The following FMNL2 variants were observed in gnomAD, a reference collection of about 807,000 sequenced individuals.
The protein encoded by FMNL2 is formin-like protein 2.
A neutral mutation model predicts 130.2 loss-of-function variants in FMNL2; 51 were observed. The observed-to-expected ratio is 0.39, with a 90% CI of 0.31 to 0.49. The LOEUF is 0.49. FMNL2 is among the 20% of genes least tolerant of loss of function. The probability of loss-of-function intolerance (pLI) is 0.85; values close to 1 mark genes in which losing one functional copy is unlikely to be tolerated. For missense variants in FMNL2, 977 were observed against 1,316.2 expected (o/e 0.74, Z 3.99); for synonymous variants, 465 against 467.1 (o/e 1.00, Z 0.06).
At chr2:152,473,431 G>A (rs1012065725) in intron 1 of FMNL2, among the ~76,000 whole-genome samples, 6 of 152,134 alleles carry the variant, frequency 3.9e-5, no homozygotes, top group Admixed American at 6.5e-5. Flanking sequence ...AAAGAGGTTG[G>A]AGTAGATTTT....
At chr2:152,432,911 G>C (rs1283015063) in intron 1 of FMNL2, among the ~76,000 whole-genome samples, 1 of 152,212 alleles carries the variant, frequency 6.6e-6, no homozygotes, top group African/African-American at 2.4e-5. Context: ...TTTCCTGAGA[G>C]CTGGCTTCAA....
At chr2:152,340,730 C>G (rs1158552594) in intron 1 of FMNL2, among the ~76,000 whole-genome samples, 1 of 152,108 alleles carries the variant, frequency 6.6e-6, no homozygotes, top group African/African-American at 2.4e-5. Flanking sequence ...CTTGCTCTGT[C>G]GCCCAGGCTG....
intron 24 of FMNL2, among the ~76,000 whole-genome samples, chr2:152,640,306 C>A (rs547385888): frequency 6.6e-6 from 1 of 152,328 alleles, no homozygotes; most frequent in Admixed American, 6.5e-5. Flanking sequence ...GTTGGATATA[C>A]AGAGAGGCCA....
In FMNL2 at chr2:152,392,914, A is replaced by C. The variant is rs988291647; in HGVS notation, c.117+57194A>C. On this transcript the variant is annotated intron_variant, in intron 1 of 25. Coordinates refer to ENST00000288670, the MANE Select transcript of FMNL2 (RefSeq NM_052905.4). ...GGAGGGGAGAGAGCTGCCAGTCGCC[A>C]TATCTCTTCTCTCTGCCTGCTTCTC... Among the ~76,000 whole-genome samples, 4 of 152,018 alleles carry C rather than the reference A, an allele frequency of 2.6e-5. No homozygotes were observed. In the East Asian group the frequency reaches 7.7e-4, roughly 29 times the overall value.
intron 1 of FMNL2, among the ~76,000 whole-genome samples, chr2:152,491,471 C>T (rs1691187207): frequency 6.6e-6 from 1 of 152,182 alleles, no homozygotes; most frequent in South Asian, 2.1e-4. Flanking sequence ...GAATTGTTGG[C>T]TGGGTCTCTG....
chr2:152,574,658 TCTTTC>T (rs1001874205), intron 6 of FMNL2, among the ~76,000 whole-genome samples: 1 of 152,210 alleles, frequency 6.6e-6, no homozygotes, highest in Admixed American at 6.5e-5. Context: ...TTCAAATTAC[TCTTTC>T]TTTTTAAAAC....
In FMNL2 at chr2:152,617,236, A is replaced by G. The variant is rs1553487671; in HGVS notation, c.1314+44A>G. 6.4e-6 allele frequency: 10 copies of G among 1,560,426 alleles called. No individual in the cohort carries two copies. The Admixed American group carries it at 1.4e-4, about 21-fold the overall frequency. On this transcript the variant is annotated intron_variant, in intron 13 of 25. Coordinates refer to ENST00000288670, the MANE Select transcript of FMNL2 (RefSeq NM_052905.4). ...ACTGCCCAGATGGGCACGGTAGGGA[A>G]TGTACTCCAGCTTTCGTCCAGTGGA...
At chr2:152,417,864 G>A (rs1022002489) in intron 1 of FMNL2, among the ~76,000 whole-genome samples, 1 of 151,998 alleles carries the variant, frequency 6.6e-6, no homozygotes, top group African/African-American at 2.4e-5. Flanking sequence ...ACAGAGTCTT[G>A]CTCTGTTTGC....
chr2:152,471,189 C>T (rs145830667), intron 1 of FMNL2, among the ~76,000 whole-genome samples: 2 of 151,192 alleles, frequency 1.3e-5, no homozygotes, highest in African/African-American at 2.4e-5. Flanking sequence ...CGTACGCTGT[C>T]GTTTGCTTAG....
In FMNL2 at chr2:152,648,831, A is replaced by G. The variant is rs985445518; in HGVS notation, c.*926A>G. 2 of 152,636 alleles carry G rather than the reference A, an allele frequency of 1.3e-5. No individual in the cohort carries two copies. Among genetic ancestry groups the G allele is most frequent in the Non-Finnish European group, 2.9e-5 (2 of 68,040 alleles). 9.5% of individuals were successfully genotyped at this position (152,636 alleles called of 1,614,324 possible). A position where few individuals can be genotyped will look rare whatever the true frequency, so the allele number is the denominator to read the frequency against. ...TTATTTTTTATAAATTCAAGAAGAT[A>G]CACTTGGCATCGTGTATCGAGGCTA... On this transcript the variant is annotated 3_prime_UTR_variant, in exon 26 of 26. Coordinates refer to ENST00000288670, the MANE Select transcript of FMNL2 (RefSeq NM_052905.4).
Position 152,385,925 on chromosome 2 carries a change from C to T in FMNL2, c.117+50205C>T, listed in dbSNP as rs940567671. ...CCAAATTGTAATGAAAGGCTGTCAG[C>T]AATGCCTTGATTTATCTTTCTTTCA... On this transcript the variant is annotated intron_variant, in intron 1 of 25. Coordinates refer to ENST00000288670, the MANE Select transcript of FMNL2 (RefSeq NM_052905.4). Among the ~76,000 whole-genome samples, 3 of 152,146 alleles carry T rather than the reference C, an allele frequency of 2.0e-5. No homozygotes were observed. The East Asian group carries it at 5.8e-4, about 29-fold the overall frequency.
intron 1 of FMNL2, among the ~76,000 whole-genome samples, chr2:152,350,382 CAG>C (rs1682411390): frequency 6.6e-6 from 1 of 152,172 alleles, no homozygotes; most frequent in Non-Finnish European, 1.5e-5. Flanking sequence ...TTGTCGGTAA[CAG>C]AGCCATTTCT....
chr2:152,452,183 G>T (rs1354413061), intron 1 of FMNL2, among the ~76,000 whole-genome samples: 2 of 152,098 alleles, frequency 1.3e-5, no homozygotes, highest in Non-Finnish European at 2.9e-5. Context: ...AAAGACAGTT[G>T]AGGGACTTGC....
chr2:152,556,376 A>T (rs571135743), intron 4 of FMNL2, among the ~76,000 whole-genome samples: 1 of 152,270 alleles, frequency 6.6e-6, no homozygotes, highest in East Asian at 1.9e-4. Flanking sequence ...GGGGTAAAAC[A>T]TGTCACACTT....
chr2:152,644,753 C>A (rs1286178568), intron 25 of FMNL2, among the ~76,000 whole-genome samples: 1 of 152,150 alleles, frequency 6.6e-6, no homozygotes, highest in African/African-American at 2.4e-5. Flanking sequence ...ATATCTTGAC[C>A]TGCTTCTTTG....
chr2:152,639,928 T>A lies in FMNL2; in HGVS notation c.2947-30T>A, dbSNP rs963109204. ...TTGGCTGCTCTCATTTCCATTAACA[T>A]CATCTTTCTGGTTCTTTTGATTTAC... is the stretch of plus-strand genomic sequence containing the variant. On this transcript the variant is annotated intron_variant, in intron 23 of 25. Coordinates refer to ENST00000288670, the MANE Select transcript of FMNL2 (RefSeq NM_052905.4). The A allele has an allele frequency of 4.6e-6, 7 of 1,527,162 alleles. No homozygotes were observed. The African/African-American group carries it at 8.4e-5, about 18-fold the overall frequency. 94.6% of individuals were successfully genotyped at this position (1,527,162 alleles called of 1,614,324 possible).
intron 9 of FMNL2, among the ~76,000 whole-genome samples, chr2:152,590,416 G>A (rs924067488): frequency 2.0e-5 from 3 of 151,980 alleles, no homozygotes; most frequent in Non-Finnish European, 4.4e-5. Flanking sequence ...TCAGTAGTTC[G>A]AGACCAGCCT....
At chr2:152,602,183 C>T (rs1698115020) in intron 9 of FMNL2, among the ~76,000 whole-genome samples, 1 of 152,172 alleles carries the variant, frequency 6.6e-6, no homozygotes, top group Non-Finnish European at 1.5e-5. Context: ...TTGTATTAGG[C>T]AGGACCCCAC....
intron 11 of FMNL2, among the ~76,000 whole-genome samples, chr2:152,613,675 A>G (rs928705988): frequency 3.9e-5 from 6 of 152,232 alleles, no homozygotes; most frequent in Admixed American, 3.3e-4. Flanking sequence ...AACCTAATAG[A>G]GGTGGTTAGA....
Sources: allele counts gnomAD v4.1 joint callset (sites outside exome capture counted in the v4.1 genomes callset), GRCh38; gene constraint gnomAD v4.1.1; transcripts MANE v1.5; gene names NCBI Gene and HGNC (gene_info 2026-07-23, HGNC 2026-07-21).